Variants in SPIDR observed in about 807,000 individuals in gnomAD.
SPIDR encodes the protein DNA repair-scaffolding protein.
In SPIDR, 93 loss-of-function variants were observed where a neutral mutation model predicts 104.6. The ratio of observed to expected loss-of-function variants is 0.89; its 90% confidence interval spans 0.75 to 1.06. The LOEUF (loss-of-function observed/expected upper bound fraction) is 1.06, where lower values mean the gene tolerates loss of function less well. Among genes scored for constraint, SPIDR ranks in the 50% least tolerant of loss-of-function variants. The pLI, the probability that SPIDR is intolerant of heterozygous loss-of-function variation, is 0.00. For missense variants in SPIDR, 1,154 were observed against 1,111.2 expected (o/e 1.04, Z -0.55); for synonymous variants, 431 against 416.9 (o/e 1.03, Z -0.41).
At chr8:47,328,488 G>A (rs1431453535) in intron 5 of SPIDR, among the ~76,000 whole-genome samples, 1 of 151,190 alleles carries the variant, frequency 6.6e-6, no homozygotes, top group Non-Finnish European at 1.5e-5. Flanking sequence ...CTGGCTTCAA[G>A]TGATCCTCCC....
At chr8:47,423,986 T>C (rs1415474415) in intron 7 of SPIDR, among the ~76,000 whole-genome samples, 4 of 152,212 alleles carry the variant, frequency 2.6e-5, no homozygotes, top group Non-Finnish European at 4.4e-5. Flanking sequence ...TTAATCACAA[T>C]TACCCTTCCA....
intron 10 of SPIDR, chr8:47,660,657 C>G (rs1193283108): frequency 1.4e-5 from 5 of 350,358 alleles, no homozygotes; most frequent in African/African-American, 4.4e-5. Flanking sequence ...ATTGCTTTAC[C>G]CACAGTGGAG....
At chr8:47,402,647 A>C (rs1199782894) in intron 6 of SPIDR, among the ~76,000 whole-genome samples, 2 of 152,186 alleles carry the variant, frequency 1.3e-5, no homozygotes, top group African/African-American at 4.8e-5. Flanking sequence ...CACCAGACTA[A>C]ACCAGGAAGA....
intron 18 of SPIDR, 46 bp from the exon 19 acceptor site, chr8:47,729,366 A>T: frequency 6.4e-7 from 1 of 1,558,872 alleles, no homozygotes; most frequent in Non-Finnish European, 8.7e-7. Context: ...TTGAGCACTT[A>T]CTGTGTTGGA....
At chr8:47,709,650 T>C (rs2081571499) in intron 14 of SPIDR, among the ~76,000 whole-genome samples, 1 of 152,238 alleles carries the variant, frequency 6.6e-6, no homozygotes, top group South Asian at 2.1e-4. Flanking sequence ...TAGTTACTGA[T>C]GTCTTTTTAC....
At chr8:47,511,704 TGGTGTACTGGTCTCTCCA>T (rs2082353244) in intron 8 of SPIDR, 1 of 1,023,012 alleles carries the variant, frequency 9.8e-7, no homozygotes, top group African/African-American at 1.6e-5. Flanking sequence ...CAAATGGTCT[TGGTGTACTGGTCTCTCCA>T]GGTCTGTTGG....
intron 7 of SPIDR, among the ~76,000 whole-genome samples, chr8:47,424,040 A>G (rs1280642235): frequency 6.6e-6 from 1 of 152,186 alleles, no homozygotes; most frequent in African/African-American, 2.4e-5. Flanking sequence ...GACAATGCAG[A>G]CACAGGAGAA....
chr8:47,317,039 G>A (rs1294317570), intron 5 of SPIDR, among the ~76,000 whole-genome samples: 7 of 152,154 alleles, frequency 4.6e-5, no homozygotes, highest in African/African-American at 1.2e-4. Context: ...CGTAGAAGAC[G>A]AGTGATTTCT....
intron 14 of SPIDR, among the ~76,000 whole-genome samples, chr8:47,710,760 G>C (rs749363776): frequency 6.6e-6 from 1 of 151,872 alleles, no homozygotes; most frequent in Non-Finnish European, 1.5e-5. Context: ...GAGCCACCAC[G>C]ACTGGCCCAC....
chr8:47,533,541 C>T (rs2086379192), intron 8 of SPIDR, among the ~76,000 whole-genome samples: 1 of 152,104 alleles, frequency 6.6e-6, no homozygotes, highest in African/African-American at 2.4e-5. Context: ...GTCTAATATC[C>T]AGCATCTATA....
intron 10 of SPIDR, among the ~76,000 whole-genome samples, chr8:47,671,054 C>T (rs913398699): frequency 1.3e-5 from 2 of 152,022 alleles, no homozygotes; most frequent in Admixed American, 6.6e-5. Context: ...AGACCACAAC[C>T]GTGCACCACC....
rs886222634 is a variant in SPIDR at position 47,569,623 on chromosome 8, G to T, written c.1098-26188G>T. Among the ~76,000 whole-genome samples the T allele has an allele frequency of 2.2e-4, 34 of 152,106 alleles. 1 individual carries two copies. The highest frequency in any genetic ancestry group is 7.4e-5 in the Non-Finnish European group (5 of 67,992). Reference sequence around the variant, plus strand: ...ATTTTTACCACTTCTGTTGAATATTGTACTGGAGTTTCTACCCAGGACAAT... The same window carrying T: ...ATTTTTACCACTTCTGTTGAATATTTTACTGGAGTTTCTACCCAGGACAAT... On this transcript the variant is annotated intron_variant, in intron 8 of 19. Transcript: ENST00000297423.
rs542695061 is a variant in SPIDR, at chr8:47,432,825, G to T, written c.878-7498G>T. ...TTTCCATACAATGGGAAGTAGTTTG[G>T]ATTTAATCCAGTCAGGGTGGCTATC... On this transcript the variant is annotated intron_variant, in intron 7 of 19. Transcript: ENST00000297423. Among the ~76,000 whole-genome samples, 3 of 152,270 alleles carry T rather than the reference G, an allele frequency of 2.0e-5. No homozygotes were observed. In the Middle Eastern group the frequency reaches 0.01, roughly 518 times the overall value.
chr8:47,369,350 T>C (rs1402859478), intron 5 of SPIDR, among the ~76,000 whole-genome samples: 2 of 152,252 alleles, frequency 1.3e-5, no homozygotes, highest in African/African-American at 4.8e-5. Flanking sequence ...GAATTTATAA[T>C]TAATGACAGC....
intron 8 of SPIDR, among the ~76,000 whole-genome samples, chr8:47,552,021 G>A (rs908245389): frequency 1.1e-4 from 17 of 152,048 alleles, no homozygotes; most frequent in African/African-American, 2.4e-4. Flanking sequence ...CCTTCATTTC[G>A]TTATGTACCC....
chr8:47,543,874 G>A (rs2088737779), intron 8 of SPIDR, among the ~76,000 whole-genome samples: 1 of 152,148 alleles, frequency 6.6e-6, no homozygotes, highest in Non-Finnish European at 1.5e-5. Flanking sequence ...AAGAGGGAGA[G>A]GGAGCCTGGT....
chr8:47,351,413 C>T (rs904015503), intron 5 of SPIDR, among the ~76,000 whole-genome samples: 6 of 151,918 alleles, frequency 3.9e-5, no homozygotes, highest in African/African-American at 7.3e-5. Context: ...TTTTGAAGAC[C>T]GAGTGGGATT....
intron 8 of SPIDR, among the ~76,000 whole-genome samples, chr8:47,440,887 C>T (rs143870515): frequency 6.6e-6 from 1 of 152,258 alleles, no homozygotes; most frequent in African/African-American, 2.4e-5. Context: ...TAGGATAACA[C>T]ACATTAATTA....
chr8:47,438,065 C>T (rs572843589), intron 7 of SPIDR, among the ~76,000 whole-genome samples: 1 of 152,308 alleles, frequency 6.6e-6, no homozygotes, highest in African/African-American at 2.4e-5. Flanking sequence ...CTTGAGCTGC[C>T]CAAGACAAGA....
Sources: allele counts gnomAD v4.1 joint callset (sites outside exome capture counted in the v4.1 genomes callset), GRCh38; gene constraint gnomAD v4.1.1; transcripts MANE v1.5; gene names NCBI Gene and HGNC (gene_info 2026-07-23, HGNC 2026-07-21).